Variants in TBXAS1 observed in about 807,000 individuals in gnomAD.
TBXAS1 encodes thromboxane A synthase 1.
Under a neutral mutation model 60.7 loss-of-function variants are expected in TBXAS1, and 48 were observed. That is an observed-to-expected ratio of 0.79 (90% CI 0.63 to 1.01). The LOEUF is 1.01. Ranked by LOEUF, TBXAS1 falls within the 50% of genes least tolerant of loss-of-function variation. The probability of loss-of-function intolerance (pLI) is 0.00; values close to 1 mark genes in which losing one functional copy is unlikely to be tolerated. For missense variants in TBXAS1, 685 were observed against 686.3 expected (o/e 1.00, Z 0.02); for synonymous variants, 287 against 269.7 (o/e 1.06, Z -0.63).
At chr7:139,998,902 T>C (rs1028706859) in intron 9 of TBXAS1, among the ~76,000 whole-genome samples, 1 of 152,262 alleles carries the variant, frequency 6.6e-6, no homozygotes, top group South Asian at 2.1e-4. Flanking sequence ...TGTGTTTTTA[T>C]GAGACGGGTT....
intron 7 of TBXAS1, 147 bp from the exon 8 acceptor site, chr7:139,957,487 T>G (rs1051621458): frequency 1.0e-6 from 1 of 985,340 alleles, no homozygotes; most frequent in Admixed American, 1.9e-5. Flanking sequence ...TCACCCCTGC[T>G]CTCAGAAGCA....
rs57545948 is a variant in TBXAS1, at chr7:139,852,935, T to TAC, written c.90-19246_90-19245dup. On this transcript the variant is annotated intron_variant, in intron 1 of 12. Coordinates refer to ENST00000448866, the MANE Select transcript of TBXAS1 (RefSeq NM_001061.7). The surrounding 1 kb of genome is among the most constrained non-coding windows in gnomAD (Gnocchi z 4.4). Reference sequence around the variant, plus strand: ...TGTGTACCAACCTTGGCTACTCCAATACACACACACACACACACACACACA... The same window carrying TAC: ...TGTGTACCAACCTTGGCTACTCCAATACACACACACACACACACACACACACA... Among the ~76,000 whole-genome samples the TAC allele has an allele frequency of 0.034, 4,369 of 127,326 alleles. 103 individuals carry two copies. Among genetic ancestry groups the TAC allele is most frequent in the Non-Finnish European group, 0.046 (2,725 of 58,906 alleles). 83.5% of individuals were successfully genotyped at this position (127,326 alleles called of 152,430 possible).
At chr7:139,979,757 TAATAATAATA>T (rs1200967207) in intron 9 of TBXAS1, among the ~76,000 whole-genome samples, 1 of 144,350 alleles carries the variant, frequency 6.9e-6, no homozygotes, top group African/African-American at 2.5e-5. Context: ...ATAATAATAA[TAATAATAATA>T]AATAAATAGC....
At chr7:139,805,704 TTCTTTCTTTCTC>T (rs1438294565) in intron 4 of TBXAS1, among the ~76,000 whole-genome samples, 2 of 32,864 alleles carry the variant, frequency 6.1e-5, no homozygotes, top group Non-Finnish European at 1.2e-4. Context: ...CTTTCTTTCT[TTCTTTCTTTCTC>T]TCTCTCTCTC....
chr7:139,892,292 C>T (rs1803680544), intron 3 of TBXAS1, among the ~76,000 whole-genome samples: 1 of 152,118 alleles, frequency 6.6e-6, no homozygotes, highest in African/African-American at 2.4e-5. Flanking sequence ...TCATTTTCTT[C>T]CCTTTAAAAA....
intron 5 of TBXAS1, among the ~76,000 whole-genome samples, chr7:139,943,326 C>A (rs1187222533): frequency 6.6e-6 from 1 of 152,186 alleles, no homozygotes; most frequent in Non-Finnish European, 1.5e-5. Context: ...CAGCGAGAGA[C>A]CATTATCCTG....
At chr7:139,874,692 C>G (rs1360192577) in intron 2 of TBXAS1, among the ~76,000 whole-genome samples, 1 of 152,130 alleles carries the variant, frequency 6.6e-6, no homozygotes, top group African/African-American at 2.4e-5. Context: ...TGCCACCCCC[C>G]ACACCCACCC....
At chr7:139,891,228 A>G (rs1275859724) in intron 3 of TBXAS1, among the ~76,000 whole-genome samples, 1 of 150,582 alleles carries the variant, frequency 6.6e-6, no homozygotes, top group East Asian at 1.9e-4. Flanking sequence ...ATCTTGCCCT[A>G]TGATTATAAT....
intron 9 of TBXAS1, among the ~76,000 whole-genome samples, chr7:139,981,856 C>G (rs1386863425): frequency 6.6e-6 from 1 of 152,158 alleles, no homozygotes; most frequent in Non-Finnish European, 1.5e-5. Flanking sequence ...AGAGAAAACT[C>G]TTATCAGAAA....
Position 139,955,708 on chromosome 7 carries a change from G to A in TBXAS1, c.688+101G>A, listed in dbSNP as rs537110086. The A allele has an allele frequency of 1.3e-5, 20 of 1,546,286 alleles. No individual in the cohort carries two copies. The African/African-American group carries it at 2.0e-4, about 16-fold the overall frequency. ...TCTGGGGCTCTGTCCCTGCCACTGG[G>A]AAAGGGCACTCGGGTTGTTCCCCTG... On this transcript the variant is annotated intron_variant, in intron 7 of 12. Transcript: ENST00000448866.
chr7:140,015,473 T>G (rs1428794526), intron 10 of TBXAS1, among the ~76,000 whole-genome samples: 2 of 152,148 alleles, frequency 1.3e-5, no homozygotes, highest in Non-Finnish European at 2.9e-5. Context: ...GATGAGTACA[T>G]TTTCATCAAG....
chr7:140,012,285 A>G (rs1359294702), intron 10 of TBXAS1, among the ~76,000 whole-genome samples: 2 of 152,138 alleles, frequency 1.3e-5, no homozygotes, highest in Non-Finnish European at 2.9e-5. Flanking sequence ...GGAGTGGGAT[A>G]ATGCTGAAGT....
rs909463648 is a variant in TBXAS1 at position 139,896,575 on chromosome 7, T to G, written c.237-14650T>G. 3.3e-5 allele frequency among the ~76,000 whole-genome samples: 5 copies of G among 152,242 alleles called. No homozygotes were observed. Among genetic ancestry groups the G allele is most frequent in the African/African-American group, 1.2e-4 (5 of 41,470 alleles). On this transcript the variant is annotated intron_variant, in intron 3 of 12. Transcript: ENST00000448866. The surrounding 1 kb of genome is among the most constrained non-coding windows in gnomAD (Gnocchi z 4.0). The stretch of plus-strand genomic sequence containing the variant: ...AAATACAGCAACATCTGTCAGGCAC[T>G]GTAGGAACTGCTTTCAGTTTATGTG...
rs71170921 is a variant in TBXAS1 at position 139,898,413 on chromosome 7, C to CTTTTTTTT, written c.237-12787_237-12780dup. Among the ~76,000 whole-genome samples, 50 of 82,254 alleles carry CTTTTTTTT rather than the reference C, an allele frequency of 6.1e-4. 3 individuals carry two copies. Among genetic ancestry groups the CTTTTTTTT allele is most frequent in the African/African-American group, 2.0e-3 (41 of 20,494 alleles). The allele number at this position is 82,254 out of a possible 152,430, so 54.0% of individuals were successfully genotyped here. ...ATCAGAAGTTTCCCAACGTGCATGG[C>CTTTTTTTT]TTTTTTTTTTTTTTTTTTTTTTTTT... On this transcript the variant is annotated intron_variant, in intron 3 of 12. Coordinates refer to ENST00000448866, the MANE Select transcript of TBXAS1 (RefSeq NM_001061.7).
At chr7:139,901,318 T>C (rs1451765328) in intron 3 of TBXAS1, among the ~76,000 whole-genome samples, 3 of 128,626 alleles carry the variant, frequency 2.3e-5, no homozygotes, top group Non-Finnish European at 4.8e-5. Context: ...GCATTAGCAA[T>C]ATTACTACAA....
intron 9 of TBXAS1, among the ~76,000 whole-genome samples, chr7:139,983,271 T>G (rs1812093638): frequency 6.6e-6 from 1 of 152,176 alleles, no homozygotes; most frequent in South Asian, 2.1e-4. Flanking sequence ...ACCATGAACC[T>G]TCCATGTGCT....
upstream of TBXAS1, among the ~76,000 whole-genome samples, chr7:139,827,831 T>G (rs567609766): frequency 5.9e-5 from 9 of 152,306 alleles, no homozygotes; most frequent in African/African-American, 1.9e-4. Flanking sequence ...AGCTTGTAGG[T>G]TTTCTGCTGA....
intron 3 of TBXAS1, among the ~76,000 whole-genome samples, chr7:139,882,881 C>A (rs1293885179): frequency 2.0e-5 from 3 of 152,200 alleles, no homozygotes; most frequent in African/African-American, 7.2e-5. Context: ...GAGCATCATT[C>A]AGTGAGTGAA....
At chr7:140,012,551 C>A (rs1000035820) in intron 10 of TBXAS1, among the ~76,000 whole-genome samples, 8 of 151,994 alleles carry the variant, frequency 5.3e-5, no homozygotes, top group African/African-American at 1.9e-4. Context: ...CTCCTCTTCC[C>A]GGGTTCAAGC....
Sources: allele counts gnomAD v4.1 joint callset (sites outside exome capture counted in the v4.1 genomes callset), GRCh38; gene constraint gnomAD v4.1.1; non-coding constraint Gnocchi (gnomAD v3.1); transcripts MANE v1.5; gene names NCBI Gene and HGNC (gene_info 2026-07-23, HGNC 2026-07-21).